PDIA5: variants seen among roughly 807,000 people sequenced by gnomAD.
PDIA5 encodes protein disulfide-isomerase A5.
PDIA5 carries 58 observed loss-of-function variants against 77.6 expected under a neutral mutation model. That is an observed-to-expected ratio of 0.75 (90% CI 0.61 to 0.93). PDIA5 has a LOEUF of 0.93. Ranked by LOEUF, PDIA5 falls within the 40% of genes least tolerant of loss-of-function variation. The pLI is 0.00. For synonymous variants in PDIA5, 250 were observed against 252.1 expected, an observed-to-expected ratio of 0.99 and a Z score of 0.08; for missense variants, 630 against 647.7, an observed-to-expected ratio of 0.97 and a Z score of 0.30.
At chr3:123,116,195 G>A in intron 7 of PDIA5, 36 bp from the exon 8 acceptor site, 2 of 1,585,558 alleles carry the variant, frequency 1.3e-6, no homozygotes, top group East Asian at 4.5e-5. Flanking sequence ...AGCCATCCCT[G>A]TAACCGGATG....
intron 1 of PDIA5, among the ~76,000 whole-genome samples, chr3:123,073,440 G>T (rs72974423): frequency 0.01 from 1,596 of 152,238 alleles, 28 homozygotes; most frequent in African/African-American, 0.036. Context: ...GCTGCTCCCT[G>T]GTGGCTTTGG....
At chr3:123,096,481 G>A (rs993616359) in intron 3 of PDIA5, among the ~76,000 whole-genome samples, 13 of 152,130 alleles carry the variant, frequency 8.5e-5, no homozygotes, top group African/African-American at 3.1e-4. Flanking sequence ...GCGCCACCGT[G>A]CCTGGCCTGG....
intron 10 of PDIA5, among the ~76,000 whole-genome samples, 158 bp from the exon 11 acceptor site, chr3:123,130,322 G>A (rs114252800): frequency 0.016 from 2,427 of 152,300 alleles, 73 homozygotes; most frequent in African/African-American, 0.055. Flanking sequence ...TCACCCCACG[G>A]CACCTCCATG....
At chr3:123,079,979 C>T (rs1192338550) in intron 1 of PDIA5, among the ~76,000 whole-genome samples, 1 of 152,110 alleles carries the variant, frequency 6.6e-6, no homozygotes, top group Non-Finnish European at 1.5e-5. Context: ...TCTTTTCAAG[C>T]TGCAACAGTC....
rs1439754551 is a variant in PDIA5, at chr3:123,124,083, T to C, written c.627T>C (p.Asn209=). ...CCTCCCAGGTGCTGGCCGGGATGAA[T>C]GTCTACTCCTCTGAATTTGAAAACA... ...LRGHAVLAGM[N]VYSSEFENIK... is the part of the protein sequence containing the mutation. Residue 209 remains asparagine, a synonymous_variant, in exon 9 of 17, where the codon AAT becomes AAC. Coordinates refer to ENST00000316218, the MANE Select transcript of PDIA5 (RefSeq NM_006810.4). The C allele has an allele frequency of 6.2e-7, 1 of 1,613,788 alleles. No individual in the cohort carries two copies. Among genetic ancestry groups the C allele is most frequent in the African/African-American group, 1.3e-5 (1 of 74,924 alleles).
rs1221702683 is a variant in PDIA5, at chr3:123,150,365, G to A, written c.1273+1G>A. 2.5e-6 allele frequency: 4 copies of A among 1,613,016 alleles called. No individual in the cohort carries two copies. Among genetic ancestry groups the A allele is most frequent in the African/African-American group, 1.3e-5 (1 of 74,868 alleles). The stretch of plus-strand genomic sequence containing the variant: ...ACCTTGGTCATGTTCTACGCCCCTT[G>A]TAAGTAGCTTGGGTGCTCACTGAGT... On this transcript the variant is annotated splice_donor_variant, in intron 14 of 16. Transcript: ENST00000316218. LOFTEE classifies it high-confidence loss of function.
rs116215567 is a variant in PDIA5 at position 123,099,413 on chromosome 3, G to T, written c.258-2998G>T. Among the ~76,000 whole-genome samples the T allele has an allele frequency of 7.0e-3, 1,068 of 152,356 alleles. 17 individuals carry two copies. Among genetic ancestry groups the T allele is most frequent in the African/African-American group, 0.024 (997 of 41,582 alleles). ...TTTCTGGAGCCAGTGGCCCTTTGGT[G>T]TGTGCCAGAAGTGTGCTCAGATGGG... On this transcript the variant is annotated intron_variant, in intron 3 of 16. Transcript: ENST00000316218.
At chr3:123,126,925 G>A (rs906665215) in intron 10 of PDIA5, among the ~76,000 whole-genome samples, 4 of 151,976 alleles carry the variant, frequency 2.6e-5, no homozygotes, top group Admixed American at 1.3e-4. Flanking sequence ...TGTGTTGATC[G>A]TGGCACTGGT....
chr3:123,133,087 G>A (rs1935409480), intron 11 of PDIA5, among the ~76,000 whole-genome samples: 1 of 152,240 alleles, frequency 6.6e-6, no homozygotes, highest in Admixed American at 6.5e-5. Flanking sequence ...GGGATGGAAT[G>A]TACATGCTTT....
intron 1 of PDIA5, among the ~76,000 whole-genome samples, chr3:123,077,228 A>G (rs1044291660): frequency 6.6e-6 from 1 of 152,180 alleles, no homozygotes; most frequent in Admixed American, 6.5e-5. Flanking sequence ...AACTCCCCTT[A>G]GTCTCAGTTT....
intron 1 of PDIA5, among the ~76,000 whole-genome samples, chr3:123,071,570 C>T (rs1276561751): frequency 1.3e-5 from 2 of 152,182 alleles, no homozygotes; most frequent in Admixed American, 6.5e-5. Context: ...GCACATTTCC[C>T]ACAGAAATAA....
intron 1 of PDIA5, among the ~76,000 whole-genome samples, chr3:123,074,545 A>G (rs1426395067): frequency 6.6e-6 from 1 of 152,226 alleles, no homozygotes; most frequent in Non-Finnish European, 1.5e-5. Context: ...TTATTAATGC[A>G]TCATATAAAA....
chr3:123,091,870 T>A (rs746849992), intron 2 of PDIA5, among the ~76,000 whole-genome samples: 1 of 152,118 alleles, frequency 6.6e-6, no homozygotes, highest in Non-Finnish European at 1.5e-5. Context: ...GCTGCACAAG[T>A]AAAGGAAGGA....
intron 11 of PDIA5, among the ~76,000 whole-genome samples, chr3:123,135,745 CTTTTT>C (rs766560888): frequency 8.7e-5 from 7 of 80,466 alleles, no homozygotes; most frequent in African/African-American, 3.7e-4. Context: ...GAGGTAACAA[CTTTTT>C]TTTTTTTTTT....
At chr3:123,149,586 A>G (rs1446242473) in intron 13 of PDIA5, among the ~76,000 whole-genome samples, 1 of 151,410 alleles carries the variant, frequency 6.6e-6, no homozygotes, top group Non-Finnish European at 1.5e-5. Flanking sequence ...CTGAGAAGCA[A>G]TAACATTTAT....
At chr3:123,099,003 T>A (rs1356169280) in intron 3 of PDIA5, among the ~76,000 whole-genome samples, 2 of 152,252 alleles carry the variant, frequency 1.3e-5, no homozygotes, top group African/African-American at 4.8e-5. Context: ...ATACTTGAAC[T>A]CTTCTGATAT....
intron 1 of PDIA5, 47 bp downstream of exon 1, chr3:123,067,253 C>T (rs769197416): frequency 1.6e-6 from 2 of 1,228,194 alleles, no homozygotes; most frequent in South Asian, 8.3e-5. Context: ...ACGTGTGTCC[C>T]GCGTGCCCTT....
intron 11 of PDIA5, among the ~76,000 whole-genome samples, chr3:123,140,163 A>T (rs1407524779): frequency 6.6e-6 from 1 of 152,068 alleles, no homozygotes; most frequent in African/African-American, 2.4e-5. Context: ...GTAGGAAAGA[A>T]CATGTTCCAG....
chr3:123,103,816 T>C (rs1214876555), intron 5 of PDIA5, among the ~76,000 whole-genome samples: 2 of 152,260 alleles, frequency 1.3e-5, no homozygotes, highest in African/African-American at 4.8e-5. Context: ...TCTTATTCTA[T>C]GTTAAGACGT....
Sources: allele counts gnomAD v4.1 joint callset (sites outside exome capture counted in the v4.1 genomes callset), GRCh38; gene constraint gnomAD v4.1.1; transcripts MANE v1.5; gene names NCBI Gene and HGNC (gene_info 2026-07-23, HGNC 2026-07-21).